MAML3: variants seen among roughly 807,000 people sequenced by gnomAD.
MAML3 encodes the protein mastermind-like protein 3.
In MAML3, 27 loss-of-function variants were observed where a neutral mutation model predicts 101.9. The ratio of observed to expected loss-of-function variants is 0.27; its 90% confidence interval spans 0.20 to 0.37. The LOEUF (loss-of-function observed/expected upper bound fraction) is 0.37, where lower values mean the gene tolerates loss of function less well. MAML3 is among the 10% of genes least tolerant of loss of function. The pLI is 1.00. For synonymous variants in MAML3, 501 were observed against 555.9 expected, an observed-to-expected ratio of 0.90 and a Z score of 1.39; for missense variants, 1,316 against 1,444.9, an observed-to-expected ratio of 0.91 and a Z score of 1.45.
chr4:139,924,798 C>A (rs751997366), intron 1 of MAML3, among the ~76,000 whole-genome samples: 3 of 152,180 alleles, frequency 2.0e-5, no homozygotes, highest in Non-Finnish European at 4.4e-5. Context: ...TATTATTCAT[C>A]TACTACCTTC....
At chr4:139,814,023 CAA>C (rs1491421625) in intron 2 of MAML3, among the ~76,000 whole-genome samples, 7 of 109,782 alleles carry the variant, frequency 6.4e-5, no homozygotes, top group African/African-American at 2.4e-4. Context: ...TACACAAACA[CAA>C]ACACACACAC....
At chr4:140,022,184 G>A (rs916058256) in intron 1 of MAML3, among the ~76,000 whole-genome samples, 1 of 152,186 alleles carries the variant, frequency 6.6e-6, no homozygotes, top group Non-Finnish European at 1.5e-5. Flanking sequence ...TATGATGTGT[G>A]AAACCAAATT....
intron 2 of MAML3, among the ~76,000 whole-genome samples, chr4:139,734,530 G>A (rs1003226125): frequency 2.6e-5 from 4 of 152,168 alleles, no homozygotes; most frequent in Non-Finnish European, 4.4e-5. Context: ...AAAGGGAGGA[G>A]AAAGAAATCA....
At chr4:139,945,673 A>G (rs1455994133) in intron 1 of MAML3, among the ~76,000 whole-genome samples, 1 of 152,250 alleles carries the variant, frequency 6.6e-6, no homozygotes, top group Non-Finnish European at 1.5e-5. Context: ...AGCCTGATAT[A>G]GGATAGATAT....
At chr4:139,880,615 T>C (rs1444584047) in intron 2 of MAML3, among the ~76,000 whole-genome samples, 1 of 152,232 alleles carries the variant, frequency 6.6e-6, no homozygotes, top group Non-Finnish European at 1.5e-5. Context: ...ATGATGATCA[T>C]GTTGACACTG....
chr4:139,886,200 C>T (rs890583412), intron 2 of MAML3, among the ~76,000 whole-genome samples: 3 of 151,794 alleles, frequency 2.0e-5, no homozygotes, highest in Admixed American at 2.0e-4. Flanking sequence ...AGCAGGGATT[C>T]ACAACTAATA....
chr4:139,909,826 G>A (rs7668025), intron 1 of MAML3, among the ~76,000 whole-genome samples: 43,127 of 117,124 alleles, frequency 0.37, 9,452 homozygotes, highest in Non-Finnish European at 0.5. Flanking sequence ...CACAGAGTGC[G>A]ATGCCGTCTC....
chr4:139,996,297 GCAT>G (rs1734811538), intron 1 of MAML3, among the ~76,000 whole-genome samples: 7 of 152,280 alleles, frequency 4.6e-5, no homozygotes, highest in Non-Finnish European at 8.8e-5. Context: ...GTGTTCTATA[GCAT>G]TGGTGATTAG....
intron 2 of MAML3, among the ~76,000 whole-genome samples, chr4:139,775,994 T>C (rs771349336): frequency 3.3e-5 from 5 of 152,248 alleles, no homozygotes; most frequent in Non-Finnish European, 5.9e-5. Flanking sequence ...GCTCTGCTTC[T>C]ACGGCTGCCA....
intron 1 of MAML3, among the ~76,000 whole-genome samples, chr4:140,014,250 TCCAA>T: frequency 6.6e-6 from 1 of 152,226 alleles, no homozygotes; most frequent in South Asian, 2.1e-4. Flanking sequence ...GACATAAATA[TCCAA>T]CCAACCAGAG....
chr4:139,792,727 C>T (rs1332905038), intron 2 of MAML3, among the ~76,000 whole-genome samples: 1 of 151,470 alleles, frequency 6.6e-6, no homozygotes, highest in Non-Finnish European at 1.5e-5. Flanking sequence ...TCTGGTAGAA[C>T]TGGTTTTCTT....
chr4:139,845,892 TA>T (rs1168924919), intron 2 of MAML3, among the ~76,000 whole-genome samples: 2 of 152,236 alleles, frequency 1.3e-5, no homozygotes, highest in Non-Finnish European at 2.9e-5. Flanking sequence ...GTTCGTTAAG[TA>T]AATCTTGAGT....
At chr4:139,833,904 T>C (rs1240151304) in intron 2 of MAML3, among the ~76,000 whole-genome samples, 1 of 152,038 alleles carries the variant, frequency 6.6e-6, no homozygotes, top group South Asian at 2.1e-4. Flanking sequence ...CTTTAATAGA[T>C]TGTGCTTAGG....
At chr4:140,032,649 A>G (rs575395516) in intron 1 of MAML3, among the ~76,000 whole-genome samples, 1 of 152,262 alleles carries the variant, frequency 6.6e-6, no homozygotes, top group African/African-American at 2.4e-5. Context: ...GTAAATTAGT[A>G]CAAACTTTCT....
intron 1 of MAML3, among the ~76,000 whole-genome samples, chr4:140,085,851 C>T (rs187891939): frequency 6.6e-6 from 1 of 152,306 alleles, no homozygotes; most frequent in East Asian, 1.9e-4. Flanking sequence ...TCCAGTTGCA[C>T]TGAAAACCGT....
chr4:139,913,283 G>A (rs534445558), intron 1 of MAML3, among the ~76,000 whole-genome samples: 1 of 152,222 alleles, frequency 6.6e-6, no homozygotes, highest in South Asian at 2.1e-4. Flanking sequence ...GTCATCATCT[G>A]GAAGTTCTGG....
At position 139,731,922 on chromosome 4, in the gene MAML3, AT is replaced by A. The variant is rs1206499369; in HGVS notation, c.2080-1256del. Among the ~76,000 whole-genome samples the A allele has an allele frequency of 7.2e-5, 11 of 152,128 alleles. No homozygotes were observed. In the East Asian group the frequency reaches 1.5e-3, roughly 21 times the overall value. ...TCAATTTCTAGACACTTCCTTTCCT[AT>A]TTTTTCTACCAAGACTACCTAGCAG... On this transcript the variant is annotated intron_variant, in intron 2 of 4. Coordinates refer to ENST00000509479, the MANE Select transcript of MAML3 (RefSeq NM_018717.5).
At chr4:140,104,539 C>G (rs1283817173) in intron 1 of MAML3, among the ~76,000 whole-genome samples, 1 of 143,130 alleles carries the variant, frequency 7.0e-6, no homozygotes, top group Admixed American at 7.1e-5. Context: ...CTGGCCCAAT[C>G]TCAGTTCATT....
At chr4:139,809,000 C>A (rs562394021) in intron 2 of MAML3, among the ~76,000 whole-genome samples, 8 of 152,244 alleles carry the variant, frequency 5.3e-5, no homozygotes, top group Non-Finnish European at 1.2e-4. Flanking sequence ...GTGACTCCCC[C>A]ACTCACTCTT....
Sources: gnomAD v4.1 joint callset for allele counts (sites outside exome capture counted in the v4.1 genomes callset) on GRCh38, gnomAD v4.1.1 for gene constraint, MANE v1.5 for transcripts, NCBI Gene and HGNC (gene_info 2026-07-23, HGNC 2026-07-21) for gene names.